The following FANCC variants were observed in gnomAD, a reference collection of about 807,000 sequenced individuals.
FANCC encodes FA complementation group C.
Under a neutral mutation model 71.3 loss-of-function variants are expected in FANCC, and 55 were observed. The ratio of observed to expected loss-of-function variants is 0.77; its 90% confidence interval spans 0.62 to 0.97. The LOEUF (loss-of-function observed/expected upper bound fraction) is 0.97, where lower values mean the gene tolerates loss of function less well. FANCC is among the 50% of genes least tolerant of loss of function. The pLI, the probability that FANCC is intolerant of heterozygous loss-of-function variation, is 0.00. For missense variants in FANCC, 678 were observed against 670.9 expected (o/e 1.01, Z -0.12); for synonymous variants, 275 against 244.9 (o/e 1.12, Z -1.15).
chr9:95,144,561 A>T (rs1053256972), intron 7 of FANCC, among the ~76,000 whole-genome samples: 1 of 152,172 alleles, frequency 6.6e-6, no homozygotes, highest in Non-Finnish European at 1.5e-5. Flanking sequence ...GGTTTCACAG[A>T]AGACCAGGAG....
At chr9:95,258,197 A>G (rs1043502539) in intron 1 of FANCC, among the ~76,000 whole-genome samples, 2 of 152,250 alleles carry the variant, frequency 1.3e-5, no homozygotes, top group Admixed American at 6.5e-5. Flanking sequence ...TTATGAGGTC[A>G]GCATCATCTT....
At chr9:95,264,873 C>T (rs1378918767) in intron 1 of FANCC, among the ~76,000 whole-genome samples, 2 of 152,128 alleles carry the variant, frequency 1.3e-5, no homozygotes. Context: ...CAAGATTCTT[C>T]CTCTTCCTTG....
At chr9:95,303,301 A>C (rs1834866751) in intron 1 of FANCC, among the ~76,000 whole-genome samples, 1 of 152,240 alleles carries the variant, frequency 6.6e-6, no homozygotes, top group African/African-American at 2.4e-5. Context: ...CCTTGGGTTA[A>C]TGACTTGTGC....
At chr9:95,294,689 A>C in intron 1 of FANCC, 1 of 1,596,056 alleles carries the variant, frequency 6.3e-7, no homozygotes, top group African/African-American at 1.3e-5. Context: ...ACCAACAACG[A>C]AACTCAAACA....
intron 4 of FANCC, among the ~76,000 whole-genome samples, chr9:95,189,838 CT>C (rs1433917301): frequency 2.0e-5 from 3 of 152,300 alleles, no homozygotes; most frequent in East Asian, 3.9e-4. Context: ...CATGCTGCAG[CT>C]TTTCTTCCTG....
In FANCC at chr9:95,292,423, C is replaced by G. The variant is rs1020697527; in HGVS notation, c.-79+25103G>C. ...GCCGTCCCGGCGGCCACGAGAGGAGCCTCCGCCGCCGCCTCGGGCCCGTGG... is the reference window on the plus strand; with the variant it reads ...GCCGTCCCGGCGGCCACGAGAGGAGGCTCCGCCGCCGCCTCGGGCCCGTGG... On this transcript the variant is annotated intron_variant, in intron 1 of 14. Coordinates refer to ENST00000289081, the MANE Select transcript of FANCC (RefSeq NM_000136.3). 99 of 1,102,170 alleles carry G rather than the reference C, an allele frequency of 9.0e-5. 1 individual carries two copies. Among genetic ancestry groups the G allele is most frequent in the East Asian group, 2.6e-4 (5 of 19,160 alleles). 68.3% of individuals were successfully genotyped at this position (1,102,170 alleles called of 1,614,324 possible). A position where few individuals can be genotyped will look rare whatever the true frequency, so the allele number is the denominator to read the frequency against.
intron 9 of FANCC, among the ~76,000 whole-genome samples, chr9:95,126,122 G>A (rs1457801561): frequency 6.6e-6 from 1 of 152,196 alleles, no homozygotes; most frequent in Non-Finnish European, 1.5e-5. Flanking sequence ...TGTTAAGAAT[G>A]ACTTTTATTT....
At chr9:95,102,917 C>T (rs1030411076) in intron 14 of FANCC, among the ~76,000 whole-genome samples, 2 of 152,242 alleles carry the variant, frequency 1.3e-5, no homozygotes, top group African/African-American at 4.8e-5. Flanking sequence ...TGCAACGAGC[C>T]CGCCAGGGTC....
At chr9:95,117,571 A>C (rs969416905) in intron 10 of FANCC, among the ~76,000 whole-genome samples, 181 bp from the exon 11 acceptor site, 1 of 147,854 alleles carries the variant, frequency 6.8e-6, no homozygotes, top group African/African-American at 2.5e-5. Context: ...TTTCCAGAAT[A>C]ATTAACCTTT....
chr9:95,291,965 A>ATATATATAT (rs1554869910), intron 1 of FANCC, among the ~76,000 whole-genome samples: 14 of 84,880 alleles, frequency 1.6e-4, no homozygotes, highest in Non-Finnish European at 2.6e-4. Flanking sequence ...AAAAAAAAAA[A>ATATATATAT]AAATATATAT....
intron 6 of FANCC, among the ~76,000 whole-genome samples, chr9:95,160,445 T>G (rs1455436338): frequency 6.6e-6 from 1 of 152,208 alleles, no homozygotes; most frequent in Non-Finnish European, 1.5e-5. Flanking sequence ...GTAGTACAGT[T>G]TGAAGTCAGG....
chr9:95,304,439 CTTTAA>C (rs1282281230), intron 1 of FANCC, among the ~76,000 whole-genome samples: 2 of 151,776 alleles, frequency 1.3e-5, no homozygotes, highest in Non-Finnish European at 2.9e-5. Context: ...TCCACAACCT[CTTTAA>C]TTTTTTTTAA....
chr9:95,122,014 T>C (rs570946167), intron 10 of FANCC, among the ~76,000 whole-genome samples: 2 of 152,098 alleles, frequency 1.3e-5, no homozygotes, highest in South Asian at 4.2e-4. Context: ...CCCACCACCA[T>C]GCCCGGCGAA....
chr9:95,272,676 A>G (rs945106981), intron 1 of FANCC, among the ~76,000 whole-genome samples: 14 of 152,292 alleles, frequency 9.2e-5, no homozygotes, highest in Middle Eastern at 3.4e-3. Flanking sequence ...CAACCTGGGT[A>G]ACAGAGTAAG....
chr9:95,207,429 A>G (rs1828202955), intron 4 of FANCC, among the ~76,000 whole-genome samples: 2 of 152,194 alleles, frequency 1.3e-5, no homozygotes. Flanking sequence ...CCCAGTGATC[A>G]AAGTCCTTGA....
chr9:95,232,735 C>T (rs1830084707), intron 4 of FANCC, among the ~76,000 whole-genome samples: 1 of 152,176 alleles, frequency 6.6e-6, no homozygotes, highest in African/African-American at 2.4e-5. Flanking sequence ...CTGGAAAAGA[C>T]TTGATCCAGG....
chr9:95,110,666 G>A (rs1395390228), intron 13 of FANCC: 3 of 1,049,920 alleles, frequency 2.9e-6, no homozygotes, highest in African/African-American at 3.3e-5. Context: ...TCAAACAACA[G>A]AAAATGCCAA....
chr9:95,148,140 T>C (rs1007232080), intron 7 of FANCC, among the ~76,000 whole-genome samples: 1 of 152,208 alleles, frequency 6.6e-6, no homozygotes, highest in Admixed American at 6.5e-5. Flanking sequence ...CATTTTCACA[T>C]ATGAATGTCT....
rs143181565 is a variant in FANCC, at chr9:95,135,372, C to G, written c.817G>C (p.Glu273Gln). The change falls in exon 8 of 15, where the codon GAA (glutamate) becomes CAA (glutamine). Residue 273 changes from glutamate to glutamine, a missense_variant. By Grantham distance (29) the Glu-to-Gln change is conservative. Transcript: ENST00000289081. ...SSERNCLRRI[E>Q]CFIKDSSLPQ... ...AGCGATGAATCTTTTATAAAGCATT[C>G]GATCCTTCTCAGACAATTTCTCTCA... 1.9e-6 allele frequency: 3 copies of G among 1,614,018 alleles called. No homozygotes were observed. The highest frequency in any genetic ancestry group is 2.5e-6 in the Non-Finnish European group (3 of 1,180,000).
Sources: allele counts gnomAD v4.1 joint callset (sites outside exome capture counted in the v4.1 genomes callset), GRCh38; gene constraint gnomAD v4.1.1; transcripts MANE v1.5; gene names NCBI Gene and HGNC (gene_info 2026-07-23, HGNC 2026-07-21).